Variants in RGS21 observed in about 807,000 individuals in gnomAD.
The protein encoded by RGS21 is regulator of G protein signaling 21.
A neutral mutation model predicts 18.7 loss-of-function variants in RGS21; 19 were observed. The observed-to-expected ratio is 1.01, with a 90% CI of 0.71 to 1.49. The LOEUF (loss-of-function observed/expected upper bound fraction) is 1.49, where lower values mean the gene tolerates loss of function less well. RGS21 is among the 40% of genes most tolerant of loss of function. The probability of loss-of-function intolerance (pLI) is 0.00; values close to 1 mark genes in which losing one functional copy is unlikely to be tolerated. For missense variants in RGS21, 194 were observed against 176.8 expected (o/e 1.10, Z -0.55); for synonymous variants, 56 against 57.8 (o/e 0.97, Z 0.14).
At chr1:192,364,970 T>C (rs1259081374) in intron 4 of RGS21, among the ~76,000 whole-genome samples, 1 of 151,920 alleles carries the variant, frequency 6.6e-6, no homozygotes, top group Non-Finnish European at 1.5e-5. Flanking sequence ...CCGTCTCTAC[T>C]ACTAATAATA....
At chr1:192,325,350 A>G (rs1658555145) in intron 1 of RGS21, among the ~76,000 whole-genome samples, 1 of 152,098 alleles carries the variant, frequency 6.6e-6, no homozygotes, top group African/African-American at 2.4e-5. Flanking sequence ...TATATGTAGC[A>G]TATTATCTTT....
intron 1 of RGS21, among the ~76,000 whole-genome samples, chr1:192,333,934 A>G (rs1658727014): frequency 6.6e-6 from 1 of 152,204 alleles, no homozygotes; most frequent in African/African-American, 2.4e-5. Context: ...CTGTCTTTAT[A>G]TCTGCCTGTG....
chr1:192,340,396 A>C (rs1221341997), intron 1 of RGS21, among the ~76,000 whole-genome samples: 1 of 152,180 alleles, frequency 6.6e-6, no homozygotes, highest in Non-Finnish European at 1.5e-5. Context: ...ATCAGTAGCA[A>C]AGAGACTCAG....
At position 192,339,498 on chromosome 1, in the gene RGS21, A is replaced by C. The variant is rs551468262; in HGVS notation, c.-60-3479A>C. ...CTACATATCTCTAAACCTTTTTTTTATGTATTGATTTTCCTAACCCTGTTT... is the reference window on the plus strand; with the variant it reads ...CTACATATCTCTAAACCTTTTTTTTCTGTATTGATTTTCCTAACCCTGTTT... On this transcript the variant is annotated intron_variant, in intron 1 of 4. Transcript: ENST00000417209. Among the ~76,000 whole-genome samples the C allele has an allele frequency of 1.1e-4, 17 of 151,134 alleles. No homozygotes were observed. In the South Asian group the frequency reaches 3.6e-3, roughly 32 times the overall value.
chr1:192,349,890 C>T (rs1659011902), intron 3 of RGS21, among the ~76,000 whole-genome samples: 1 of 152,054 alleles, frequency 6.6e-6, no homozygotes, highest in Admixed American at 6.6e-5. Flanking sequence ...CTCCATATGC[C>T]TTGATGATAC....
intron 1 of RGS21, among the ~76,000 whole-genome samples, chr1:192,324,958 G>T (rs1041294820): frequency 3.9e-5 from 6 of 152,036 alleles, no homozygotes; most frequent in African/African-American, 1.4e-4. Flanking sequence ...TCCTTTTGGT[G>T]ATAACAGAGT....
At chr1:192,363,731 T>C (rs2102239553) in intron 4 of RGS21, among the ~76,000 whole-genome samples, 1 of 152,240 alleles carries the variant, frequency 6.6e-6, no homozygotes, top group Middle Eastern at 3.4e-3. Context: ...TACAATATTA[T>C]AACAAAAATT....
At chr1:192,344,483 A>G (rs772346985) in intron 2 of RGS21, among the ~76,000 whole-genome samples, 3 of 152,246 alleles carry the variant, frequency 2.0e-5, no homozygotes, top group Non-Finnish European at 4.4e-5. Context: ...AGATTAAATG[A>G]AGTCTATGAT....
At chr1:192,320,757 T>G (rs1460389261) in intron 1 of RGS21, among the ~76,000 whole-genome samples, 1 of 151,996 alleles carries the variant, frequency 6.6e-6, no homozygotes, top group Non-Finnish European at 1.5e-5. Flanking sequence ...AGAAATAACA[T>G]GAGAAGAAAC....
intron 4 of RGS21, among the ~76,000 whole-genome samples, chr1:192,359,782 C>CTA (rs200448667): frequency 0.19 from 28,180 of 144,952 alleles, 3,221 homozygotes; most frequent in African/African-American, 0.31. Flanking sequence ...CTCTCTCTCT[C>CTA]TATATATATA....
chr1:192,351,775 T>A (rs1659044960), intron 3 of RGS21, among the ~76,000 whole-genome samples: 1 of 147,666 alleles, frequency 6.8e-6, no homozygotes, highest in Non-Finnish European at 1.5e-5. Context: ...ATAACATATA[T>A]AATATATATA....
At chr1:192,351,808 A>T (rs1020188809) in intron 3 of RGS21, among the ~76,000 whole-genome samples, 4 of 147,708 alleles carry the variant, frequency 2.7e-5, no homozygotes, top group African/African-American at 4.9e-5. Context: ...CACATATAAC[A>T]TATATGTGCT....
chr1:192,318,265 A>G (rs1433150646), intron 1 of RGS21, among the ~76,000 whole-genome samples: 1 of 152,096 alleles, frequency 6.6e-6, no homozygotes, highest in Non-Finnish European at 1.5e-5. Flanking sequence ...TTGATTTGAA[A>G]ATAAATCAAG....
chr1:192,344,466 A>T (rs1465003569), intron 2 of RGS21, among the ~76,000 whole-genome samples: 4 of 152,030 alleles, frequency 2.6e-5, no homozygotes, highest in African/African-American at 9.7e-5. Flanking sequence ...ACAGACTGTT[A>T]TTTTCAAGAT....
intron 1 of RGS21, among the ~76,000 whole-genome samples, chr1:192,329,994 T>C (rs1261903412): frequency 1.3e-5 from 2 of 152,166 alleles, no homozygotes; most frequent in Non-Finnish European, 2.9e-5. Flanking sequence ...TATAAATTTT[T>C]AAACATTTTA....
chr1:192,352,477 G>A (rs1380369409), intron 4 of RGS21, among the ~76,000 whole-genome samples: 1 of 151,862 alleles, frequency 6.6e-6, no homozygotes, highest in South Asian at 2.1e-4. Flanking sequence ...GAAAAATAAC[G>A]TCTAATATCT....
chr1:192,362,956 C>T (rs1659206550), intron 4 of RGS21, among the ~76,000 whole-genome samples: 1 of 151,492 alleles, frequency 6.6e-6, no homozygotes. Context: ...CTTAACAGAT[C>T]AGAAAGAAAA....
chr1:192,318,278 G>A (rs2102219113), intron 1 of RGS21, among the ~76,000 whole-genome samples: 1 of 152,130 alleles, frequency 6.6e-6, no homozygotes, highest in East Asian at 1.9e-4. Flanking sequence ...AAATCAAGCA[G>A]CCACAGCATT....
chr1:192,363,313 C>T (rs1659212731), intron 4 of RGS21, among the ~76,000 whole-genome samples: 1 of 152,094 alleles, frequency 6.6e-6, no homozygotes, highest in Non-Finnish European at 1.5e-5. Context: ...GGCAGGCACA[C>T]TTTGGCCATG....
Sources: gnomAD v4.1 joint callset for allele counts (sites outside exome capture counted in the v4.1 genomes callset) on GRCh38, gnomAD v4.1.1 for gene constraint, MANE v1.5 for transcripts, NCBI Gene and HGNC (gene_info 2026-07-23, HGNC 2026-07-21) for gene names.